Variants in DCAF4 observed in about 807,000 individuals in gnomAD.
DCAF4 encodes the protein DDB1- and CUL4-associated factor 4.
A neutral mutation model predicts 60.9 loss-of-function variants in DCAF4; 37 were observed. The ratio of observed to expected loss-of-function variants is 0.61; its 90% CI spans 0.47 to 0.80. The LOEUF is 0.80. Among genes scored for constraint, DCAF4 ranks in the 30% least tolerant of loss-of-function variants. DCAF4 has a pLI of 0.00. For missense variants in DCAF4, 577 were observed against 650.0 expected (o/e 0.89, Z 1.22); for synonymous variants, 243 against 254.8 (o/e 0.95, Z 0.44).
intron 12 of DCAF4, 96 bp downstream of exon 12, chr14:72,955,792 C>T (rs1892197330): frequency 8.3e-7 from 1 of 1,210,980 alleles, no homozygotes; most frequent in Non-Finnish European, 1.2e-6. Context: ...ACACCAAGAC[C>T]CCAGGCAGGG....
chr14:72,954,592 G>A (rs1892028383), intron 11 of DCAF4, 109 bp downstream of exon 11: 4 of 1,012,156 alleles, frequency 4.0e-6, no homozygotes, highest in South Asian at 1.5e-5. Flanking sequence ...TGACAGGGGA[G>A]AAAGAGCATC....
At chr14:72,929,896 T>C (rs1888309165) in intron 1 of DCAF4, 2 of 1,466,040 alleles carry the variant, frequency 1.4e-6, no homozygotes, top group Non-Finnish European at 1.9e-6. Context: ...GTGGCCCTTG[T>C]TGAGGCCCAC....
At chr14:72,932,132 G>T (rs963526869) in intron 1 of DCAF4, among the ~76,000 whole-genome samples, 1 of 151,974 alleles carries the variant, frequency 6.6e-6, no homozygotes, top group African/African-American at 2.4e-5. Context: ...GAGACTACAG[G>T]TGTGCACCAC....
chr14:72,931,433 C>T (rs1888567504), intron 1 of DCAF4, among the ~76,000 whole-genome samples: 1 of 151,994 alleles, frequency 6.6e-6, no homozygotes, highest in Non-Finnish European at 1.5e-5. Context: ...ATCCTGCAAC[C>T]TTGCTGAATT....
In DCAF4 at chr14:72,959,123, G is replaced by A. The variant is rs1244127938; in HGVS notation, c.*318G>A. 1 of 1,038,008 alleles carries A rather than the reference G, an allele frequency of 9.6e-7. No homozygotes were observed. Among genetic ancestry groups the A allele is most frequent in the Non-Finnish European group, 1.2e-6 (1 of 863,946 alleles). The allele number at this position is 1,038,008 out of a possible 1,614,324, so 64.3% of individuals were successfully genotyped here. On this transcript the variant is annotated 3_prime_UTR_variant, in exon 14 of 14. Coordinates refer to ENST00000358377, the MANE Select transcript of DCAF4 (RefSeq NM_015604.4). Reference sequence around the variant, plus strand: ...GGACTTTTCTAAGGACTGAAGATTGGCAAAAACGAAAAGCTTCTTCCTCCA... The same window carrying A: ...GGACTTTTCTAAGGACTGAAGATTGACAAAAACGAAAAGCTTCTTCCTCCA...
chr14:72,950,533 A>G (rs1891274352), intron 8 of DCAF4, among the ~76,000 whole-genome samples: 1 of 152,088 alleles, frequency 6.6e-6, no homozygotes, highest in Non-Finnish European at 1.5e-5. Context: ...AAGGCAAGGG[A>G]ATGAGAATAA....
downstream of DCAF4, among the ~76,000 whole-genome samples, chr14:72,959,869 G>C (rs1475006429): frequency 2.0e-5 from 3 of 152,216 alleles, no homozygotes; most frequent in African/African-American, 7.2e-5. Flanking sequence ...GGTTCAGCCA[G>C]TGGGAAGCAG....
intron 12 of DCAF4, 144 bp from the exon 13 acceptor site, chr14:72,956,242 C>A: frequency 1.6e-6 from 1 of 608,562 alleles, no homozygotes; most frequent in Non-Finnish European, 2.8e-6. Flanking sequence ...TTTTGATGAA[C>A]AACAAGGCTC....
intron 1 of DCAF4, among the ~76,000 whole-genome samples, chr14:72,933,796 T>C (rs1341776291): frequency 6.6e-6 from 1 of 152,206 alleles, no homozygotes; most frequent in Non-Finnish European, 1.5e-5. Context: ...GTCTCCCTGC[T>C]CATGACTCTA....
intron 13 of DCAF4, chr14:72,957,179 T>G (rs1445167230): frequency 6.6e-6 from 1 of 152,426 alleles, no homozygotes; most frequent in Admixed American, 6.5e-5. Flanking sequence ...GCCACTGCAC[T>G]CCAGCCTGGC....
chr14:72,958,766 G>C lies in DCAF4; in HGVS notation c.1449G>C (p.Met483Ile). ...GGSRGAPGLL[M>I]AVGQDLYCYS... Reference sequence around the variant, plus strand: ...CCCGGGGCGCGCCGGGGCTGCTCATGGCTGTCGGGCAGGACCTTTACTGTT... The same window carrying C: ...CCCGGGGCGCGCCGGGGCTGCTCATCGCTGTCGGGCAGGACCTTTACTGTT... The change falls in exon 14 of 14, where the codon ATG (methionine) becomes ATC (isoleucine). Residue 483 changes from methionine (M) to isoleucine (I), a missense_variant. Met to Ile is a conservative substitution (Grantham distance 10, BLOSUM62 1). Transcript: ENST00000358377. The C allele has an allele frequency of 6.2e-7, 1 of 1,601,008 alleles. No homozygotes were observed. The highest frequency in any genetic ancestry group is 8.5e-7 in the Non-Finnish European group (1 of 1,173,750).
intron 1 of DCAF4, chr14:72,929,833 A>G: frequency 1.5e-6 from 2 of 1,366,590 alleles, no homozygotes; most frequent in Admixed American, 1.7e-5. Flanking sequence ...GCGTTTGCTC[A>G]GACGCCCGCG....
Position 72,951,410 on chromosome 14 carries a change from G to A in DCAF4, c.729-388G>A, listed in dbSNP as rs577500602. 2.6e-5 allele frequency among the ~76,000 whole-genome samples: 4 copies of A among 152,194 alleles called. No individual in the cohort carries two copies. In the East Asian group the frequency reaches 7.8e-4, roughly 29 times the overall value. ...GCGGATCACGTGAGGTCGGGTGTTCGAGACGAGTCTGACCAACTTGGAGAA... is the reference window on the plus strand; with the variant it reads ...GCGGATCACGTGAGGTCGGGTGTTCAAGACGAGTCTGACCAACTTGGAGAA... On this transcript the variant is annotated intron_variant, in intron 8 of 13. Coordinates refer to ENST00000358377, the MANE Select transcript of DCAF4 (RefSeq NM_015604.4).
chr14:72,943,095 T>C lies in DCAF4; in HGVS notation c.533T>C (p.Leu178Pro), dbSNP rs757381812. 6.2e-7 allele frequency: 1 copy of C among 1,613,970 alleles called. No individual in the cohort carries two copies. The highest frequency in any genetic ancestry group is 8.5e-7 in the Non-Finnish European group (1 of 1,179,848). ...GCAAGCGACCGATTTAACCTCATAC[T>C]GGTGAGTGGGAGGGGGACACCTGCC... ...ALASDRFNLI[L>P]ADTNSDRLFT... The change falls in exon 6 of 14, where the codon CTG becomes CCG. Residue 178 changes from leucine to proline, a missense_variant and splice_region_variant. Coordinates refer to ENST00000358377, the MANE Select transcript of DCAF4 (RefSeq NM_015604.4).
intron 2 of DCAF4, among the ~76,000 whole-genome samples, chr14:72,939,567 A>G (rs527904026): frequency 3.9e-5 from 6 of 152,352 alleles, no homozygotes; most frequent in South Asian, 2.1e-4. Context: ...GAAGATAAGA[A>G]GAGGGAATCA....
At position 72,956,406 on chromosome 14, in the gene DCAF4, G is replaced by A. The variant is rs753471389; in HGVS notation, c.1200G>A (p.Arg400=). 1 of 1,611,166 alleles carries A rather than the reference G, an allele frequency of 6.2e-7. No individual in the cohort carries two copies. The highest frequency in any genetic ancestry group is 8.5e-7 in the Non-Finnish European group (1 of 1,178,516). ...MAGKIKLWDL[R]TTKCVRQYEG... ...CACAGATCAAGCTGTGGGACCTGAG[G>A]ACCACGAAGTGCGTAAGGCAGTACG... Residue 400 remains arginine (R), a synonymous_variant, in exon 13 of 14, where the codon AGG becomes AGA. Coordinates refer to ENST00000358377, the MANE Select transcript of DCAF4 (RefSeq NM_015604.4).
At chr14:72,940,048 C>A in intron 3 of DCAF4, 146 bp downstream of exon 3, 2 of 1,165,872 alleles carry the variant, frequency 1.7e-6, no homozygotes, top group Non-Finnish European at 1.2e-6. Context: ...ATGAGGCAAA[C>A]CGCCTCCCCC....
At chr14:72,953,727 A>T (rs1461412462) in intron 9 of DCAF4, among the ~76,000 whole-genome samples, 3 of 47,374 alleles carry the variant, frequency 6.3e-5, no homozygotes, top group Non-Finnish European at 1.1e-4. Context: ...AAAAAAAAAA[A>T]AAAAAATATA....
chr14:72,955,110 C>CAAAA (rs1191603255), intron 11 of DCAF4, among the ~76,000 whole-genome samples: 33 of 129,526 alleles, frequency 2.5e-4, no homozygotes, highest in Non-Finnish European at 3.3e-4. Flanking sequence ...GACTCTGTCT[C>CAAAA]AAAAAAAAAA....
Sources: gnomAD v4.1 joint callset for allele counts (sites outside exome capture counted in the v4.1 genomes callset) on GRCh38, gnomAD v4.1.1 for gene constraint, MANE v1.5 for transcripts, NCBI Gene and HGNC (gene_info 2026-07-23, HGNC 2026-07-21) for gene names.